The following ARG2 variants were observed in gnomAD, a reference collection of about 807,000 sequenced individuals.
ARG2 encodes arginase-2, mitochondrial.
In ARG2, 21 loss-of-function variants were observed where a neutral mutation model predicts 39.4. The observed-to-expected ratio is 0.53, with a 90% CI of 0.38 to 0.77. The LOEUF is 0.77. Among genes scored for constraint, ARG2 ranks in the 30% least tolerant of loss-of-function variants. The pLI is 0.00. For synonymous variants in ARG2, 150 were observed against 156.7 expected (o/e 0.96, Z 0.32); for missense variants, 378 against 426.2 (o/e 0.89, Z 1.00).
chr14:67,636,743 CAGGAG>C (rs1274274101), intron 2 of ARG2, among the ~76,000 whole-genome samples: 3 of 152,120 alleles, frequency 2.0e-5, no homozygotes, highest in African/African-American at 7.2e-5. Context: ...TACCAGCACT[CAGGAG>C]AGAAGCAACA....
intron 2 of ARG2, among the ~76,000 whole-genome samples, chr14:67,626,661 T>C (rs2036869421): frequency 6.6e-6 from 1 of 152,208 alleles, no homozygotes; most frequent in Non-Finnish European, 1.5e-5. Flanking sequence ...AATTTTGCCA[T>C]GTTGGCCAGG....
chr14:67,629,623 C>T (rs2036898848), intron 2 of ARG2, among the ~76,000 whole-genome samples: 1 of 152,074 alleles, frequency 6.6e-6, no homozygotes, highest in Non-Finnish European at 1.5e-5. Flanking sequence ...ATGGTAGTGT[C>T]CAATCAACTT....
At chr14:67,647,840 T>A (rs1211070945) in intron 6 of ARG2, 1 of 577,926 alleles carries the variant, frequency 1.7e-6, no homozygotes, top group Non-Finnish European at 3.1e-6. Context: ...AATGGCAGTA[T>A]CATGAAGTGG....
intron 2 of ARG2, among the ~76,000 whole-genome samples, chr14:67,627,411 C>T (rs1277644664): frequency 6.6e-6 from 1 of 151,890 alleles, no homozygotes; most frequent in Non-Finnish European, 1.5e-5. Context: ...ACAGTAAAGA[C>T]ACATTACAAA....
At position 67,650,789 on chromosome 14, in the gene ARG2, G is replaced by A. The variant is rs2037163881; in HGVS notation, c.934G>A (p.Ala312Thr). The A allele has an allele frequency of 6.2e-7, 1 of 1,614,072 alleles. No homozygotes were observed. Residue 312 changes from alanine to threonine, a missense_variant, in exon 8 of 8, where the codon GCT becomes ACT. Transcript: ENST00000261783. Reference protein sequence around the residue: ...ATSEEEAKTTANLAVDVIASS... With the variant: ...ATSEEEAKTTTNLAVDVIASS... ...CTCAGAGGAAGAGGCGAAGACTACA[G>A]CTAACCTGGCAGTAGATGTGATTGC...
chr14:67,646,729 C>G lies in ARG2; in HGVS notation c.608C>G (p.Pro203Arg). ...IVYIGLRDVD[P>R]PEHFILKNYD... is the part of the protein sequence containing the mutation. The stretch of plus-strand genomic sequence containing the variant: ...TATATTGGTCTGAGAGACGTGGACC[C>G]TCCTGAACAGTAAGTTGATGCATTT... Residue 203 changes from proline to arginine, a missense_variant, in exon 5 of 8, where the codon CCT becomes CGT. Pro to Arg is a moderately radical substitution (Grantham distance 103, BLOSUM62 -2). Transcript: ENST00000261783. The G allele has an allele frequency of 6.2e-7, 1 of 1,611,506 alleles. No homozygotes were observed. Among genetic ancestry groups the G allele is most frequent in the Non-Finnish European group, 8.5e-7 (1 of 1,177,712 alleles).
chr14:67,633,976 C>T (rs1225509578), intron 2 of ARG2, among the ~76,000 whole-genome samples: 1 of 152,208 alleles, frequency 6.6e-6, no homozygotes, highest in African/African-American at 2.4e-5. Flanking sequence ...TAGCACTGGG[C>T]TGGGCTGCCA....
At chr14:67,649,993 A>T (rs2037151059) in intron 7 of ARG2, 2 of 152,312 alleles carry the variant, frequency 1.3e-5, no homozygotes, top group Non-Finnish European at 2.9e-5. Context: ...AGGCCAAAGG[A>T]ACACTACCGA....
At chr14:67,634,472 T>C (rs1301329846) in intron 2 of ARG2, among the ~76,000 whole-genome samples, 1 of 150,882 alleles carries the variant, frequency 6.6e-6, no homozygotes. Context: ...GTGGCTTCTG[T>C]AGTCCCAGCT....
chr14:67,627,919 G>A (rs2036884251), intron 2 of ARG2, among the ~76,000 whole-genome samples: 1 of 152,218 alleles, frequency 6.6e-6, no homozygotes, highest in South Asian at 2.1e-4. Flanking sequence ...GGTTATTAAA[G>A]TTCTGGGTTC....
At position 67,621,504 on chromosome 14, in the gene ARG2, G is replaced by A. The variant is rs576317556; in HGVS notation, c.184+538G>A. Among the ~76,000 whole-genome samples, 4 of 151,086 alleles carry A rather than the reference G, an allele frequency of 2.6e-5. No homozygotes were observed. The South Asian group carries it at 8.4e-4, about 32-fold the overall frequency. ...GGAGTCTTATTCCATCACCCAGGCTGGAGTGCAGTGATGCAATATTGGCTC... is the reference window on the plus strand; with the variant it reads ...GGAGTCTTATTCCATCACCCAGGCTAGAGTGCAGTGATGCAATATTGGCTC... On this transcript the variant is annotated intron_variant, in intron 2 of 7. Transcript: ENST00000261783.
At chr14:67,650,143 T>C (rs1488605002) in intron 7 of ARG2, 5 of 155,808 alleles carry the variant, frequency 3.2e-5, no homozygotes, top group Non-Finnish European at 7.1e-5. Flanking sequence ...TGTTGTTAGA[T>C]GTGGAACCTG....
intron 6 of ARG2, chr14:67,647,597 G>C (rs2037117015): frequency 1.3e-5 from 2 of 155,942 alleles, no homozygotes; most frequent in South Asian, 4.0e-4. Context: ...TAAAATTAGA[G>C]TTCACTTCAG....
At position 67,645,637 on chromosome 14, in the gene ARG2, T is replaced by C. The variant is rs560870461; in HGVS notation, c.363-6T>C. 6.2e-7 allele frequency: 1 copy of C among 1,612,128 alleles called. No homozygotes were observed. The highest frequency in any genetic ancestry group is 8.5e-7 in the Non-Finnish European group (1 of 1,179,204). ...GGGCCTTCAAGATTATACTTGTTCT[T>C]TGCAGCCTGGCAATCGGTACCATTA... On this transcript the variant is annotated splice_polypyrimidine_tract_variant and splice_region_variant and intron_variant, in intron 3 of 7. Transcript: ENST00000261783.
chr14:67,619,944 G>A lies in ARG2; in HGVS notation c.-34G>A, dbSNP rs746128832. Reference sequence around the variant, plus strand: ...CACTCCCGGCTTCCAACCGCGCGGAGCCTCTGCCTTGGAGATTCTCAGTGC... The same window carrying A: ...CACTCCCGGCTTCCAACCGCGCGGAACCTCTGCCTTGGAGATTCTCAGTGC... On this transcript the variant is annotated 5_prime_UTR_variant, in exon 1 of 8. Coordinates refer to ENST00000261783, the MANE Select transcript of ARG2 (RefSeq NM_001172.4). The A allele has an allele frequency of 5.5e-6, 8 of 1,450,250 alleles. No individual in the cohort carries two copies. In the Admixed American group the frequency reaches 1.4e-4, roughly 25 times the overall value. 89.8% of individuals were successfully genotyped at this position (1,450,250 alleles called of 1,614,324 possible).
chr14:67,623,605 G>C (rs551810943), intron 2 of ARG2, among the ~76,000 whole-genome samples: 2 of 132,916 alleles, frequency 1.5e-5, no homozygotes, highest in Non-Finnish European at 3.0e-5. Context: ...ACAGTGATGC[G>C]ATCTTGGCTC....
chr14:67,640,631 G>A (rs999128296), intron 2 of ARG2, among the ~76,000 whole-genome samples: 3 of 152,136 alleles, frequency 2.0e-5, no homozygotes, highest in South Asian at 2.1e-4. Flanking sequence ...GATACGCCAC[G>A]TCTTATCTTG....
At chr14:67,621,072 C>G in intron 2 of ARG2, 106 bp downstream of exon 2, 1 of 1,050,628 alleles carries the variant, frequency 9.5e-7, no homozygotes, top group South Asian at 1.3e-5. Context: ...TGGGAACAGT[C>G]TGCCACATCC....
chr14:67,620,830 T>C, intron 1 of ARG2, 64 bp from the exon 2 acceptor site: 1 of 1,559,866 alleles, frequency 6.4e-7, no homozygotes, highest in Non-Finnish European at 8.8e-7. Context: ...GAACTAAATG[T>C]ACCAAATGGG....
Sources: allele counts gnomAD v4.1 joint callset (sites outside exome capture counted in the v4.1 genomes callset), GRCh38; gene constraint gnomAD v4.1.1; transcripts MANE v1.5; gene names NCBI Gene and HGNC (gene_info 2026-07-23, HGNC 2026-07-21).